Variants in FOCAD observed in about 807,000 individuals in gnomAD.
FOCAD encodes focadhesin, also known as KIAA1797.
Under a neutral mutation model 225.6 loss-of-function variants are expected in FOCAD, and 198 were observed. The observed-to-expected ratio is 0.88, with a 90% CI of 0.78 to 0.99. The LOEUF (loss-of-function observed/expected upper bound fraction) is 0.99, where lower values mean the gene tolerates loss of function less well. FOCAD is among the 50% of genes least tolerant of loss of function. FOCAD has a pLI of 0.00. For synonymous variants in FOCAD, 897 were observed against 755.0 expected, an observed-to-expected ratio of 1.19 and a Z score of -3.08; for missense variants, 2,713 against 2,123.6, an observed-to-expected ratio of 1.28 and a Z score of -5.46.
At chr9:20,753,777 C>T (rs1428517549) in intron 5 of FOCAD, among the ~76,000 whole-genome samples, 3 of 151,900 alleles carry the variant, frequency 2.0e-5, no homozygotes, top group Non-Finnish European at 4.4e-5. Context: ...TCTGTAGCCA[C>T]TGCATATATT....
intron 25 of FOCAD, 26 bp downstream of exon 25, chr9:20,923,794 G>A (rs768545827): frequency 2.6e-6 from 4 of 1,559,842 alleles, no homozygotes; most frequent in South Asian, 2.2e-5. Context: ...TTAAACAATT[G>A]GCTTTGATTA....
At chr9:20,962,417 C>CACATACACACATACAT (rs1554743603) in intron 35 of FOCAD, among the ~76,000 whole-genome samples, 1 of 149,086 alleles carries the variant, frequency 6.7e-6, no homozygotes, top group Non-Finnish European at 1.5e-5. Flanking sequence ...TATACACACA[C>CACATACACACATACAT]ACATACATAC....
chr9:20,888,892 G>A (rs1214587289), intron 21 of FOCAD, among the ~76,000 whole-genome samples: 1 of 152,172 alleles, frequency 6.6e-6, no homozygotes, highest in East Asian at 1.9e-4. Context: ...ATGTAGAACT[G>A]TAAGCTTATT....
chr9:20,782,009 T>C, intron 10 of FOCAD, 80 bp downstream of exon 10: 2 of 1,211,004 alleles, frequency 1.7e-6, no homozygotes, highest in Non-Finnish European at 1.2e-6. Flanking sequence ...TGCCTCCTGA[T>C]GAAGCATCTG....
At chr9:20,855,579 C>T (rs1334213165) in intron 15 of FOCAD, among the ~76,000 whole-genome samples, 1 of 151,634 alleles carries the variant, frequency 6.6e-6, no homozygotes, top group Non-Finnish European at 1.5e-5. Flanking sequence ...TCACCTCAAG[C>T]ATTATCATTT....
At chr9:20,802,496 A>G (rs1821956392) in intron 11 of FOCAD, among the ~76,000 whole-genome samples, 2 of 152,252 alleles carry the variant, frequency 1.3e-5, no homozygotes, top group African/African-American at 2.4e-5. Context: ...AAGGGAAACC[A>G]TGTCTTACTT....
At chr9:20,932,274 G>A (rs544938490) in intron 27 of FOCAD, among the ~76,000 whole-genome samples, 3 of 152,230 alleles carry the variant, frequency 2.0e-5, no homozygotes, top group African/African-American at 7.2e-5. Flanking sequence ...TTAAAAAAGT[G>A]CTCTCTGCCT....
chr9:20,968,393 G>T (rs1394892108), intron 35 of FOCAD, among the ~76,000 whole-genome samples: 6 of 111,910 alleles, frequency 5.4e-5, no homozygotes, highest in Admixed American at 4.3e-4. Flanking sequence ...TCTTTTCTAA[G>T]TTCCAATTTT....
rs568233667 is a variant in FOCAD at position 20,752,459 on chromosome 9, A to G, written c.393-5631A>G. 1.8e-4 allele frequency among the ~76,000 whole-genome samples: 27 copies of G among 152,290 alleles called. No homozygotes were observed. In the South Asian group the frequency reaches 5.2e-3, roughly 29 times the overall value. Reference sequence around the variant, plus strand: ...GTTTTTCTCAGGTTTGCCAAAGATCAGATAGTTGTAGATATGCGGCGTTAT... The same window carrying G: ...GTTTTTCTCAGGTTTGCCAAAGATCGGATAGTTGTAGATATGCGGCGTTAT... On this transcript the variant is annotated intron_variant, in intron 5 of 43. Coordinates refer to ENST00000338382, the MANE Select transcript of FOCAD (RefSeq NM_001375567.1).
At chr9:20,778,455 C>T (rs1373933735) in intron 8 of FOCAD, among the ~76,000 whole-genome samples, 2 of 152,130 alleles carry the variant, frequency 1.3e-5, no homozygotes, top group Non-Finnish European at 1.5e-5. Context: ...CTTCTGACCT[C>T]GTGATCCACC....
intron 5 of FOCAD, among the ~76,000 whole-genome samples, chr9:20,749,345 A>C (rs1232659756): frequency 2.6e-5 from 4 of 152,144 alleles, no homozygotes; most frequent in African/African-American, 9.6e-5. Flanking sequence ...AAGTCTTTCT[A>C]GGAGCTTATG....
chr9:20,948,820 C>T (rs1169183323), intron 31 of FOCAD, 31 bp from the exon 32 acceptor site: 1 of 1,610,034 alleles, frequency 6.2e-7, no homozygotes. Flanking sequence ...GACTGATTCC[C>T]TCTTTTCATA....
At chr9:20,972,882 C>T (rs1407700764) in intron 35 of FOCAD, among the ~76,000 whole-genome samples, 1 of 152,052 alleles carries the variant, frequency 6.6e-6, no homozygotes, top group Non-Finnish European at 1.5e-5. Context: ...CTTATGCTGA[C>T]TTTCCTTTAT....
intron 35 of FOCAD, among the ~76,000 whole-genome samples, chr9:20,959,007 A>T (rs1838457239): frequency 6.6e-6 from 1 of 152,162 alleles, no homozygotes; most frequent in African/African-American, 2.4e-5. Context: ...CATGGGGTAC[A>T]GATGTCTCTG....
chr9:20,711,792 G>C (rs1298165400), intron 1 of FOCAD, among the ~76,000 whole-genome samples: 2 of 152,222 alleles, frequency 1.3e-5, no homozygotes, highest in Non-Finnish European at 2.9e-5. Flanking sequence ...TTGGAGATCT[G>C]TGCCAGATGA....
chr9:20,943,639 G>C (rs145272010), intron 28 of FOCAD, among the ~76,000 whole-genome samples: 3 of 152,136 alleles, frequency 2.0e-5, no homozygotes, highest in African/African-American at 7.2e-5. Flanking sequence ...GACCAAGGGG[G>C]TAGATGCTGT....
At chr9:20,874,585 A>G in intron 18 of FOCAD, 96 bp from the exon 19 acceptor site, 1 of 1,394,778 alleles carries the variant, frequency 7.2e-7, no homozygotes, top group Non-Finnish European at 9.8e-7. Flanking sequence ...GAGTCTAACA[A>G]AATTTTAAAA....
intron 4 of FOCAD, among the ~76,000 whole-genome samples, chr9:20,727,056 A>T (rs559633413): frequency 1.6e-4 from 24 of 152,256 alleles, no homozygotes; most frequent in Middle Eastern, 3.4e-3. Flanking sequence ...ATTATGGCTT[A>T]TTTAACTTTT....
Position 20,770,053 on chromosome 9 carries a change from A to G in FOCAD, c.721A>G (p.Thr241Ala). The stretch of plus-strand genomic sequence containing the variant: ...ACAGGTAAAAGATTTGATACAGACA[A>G]CAGAGGCGATGATGTTTATTGAGGA... ...CLQVKDLIQT[T>A]EAMMFIEEVC... The change falls in exon 8 of 44, where the codon ACA becomes GCA. Residue 241 changes from threonine to alanine, a missense_variant. Transcript: ENST00000338382. The G allele has an allele frequency of 6.2e-7, 1 of 1,614,056 alleles. No individual in the cohort carries two copies. The highest frequency in any genetic ancestry group is 1.3e-5 in the African/African-American group (1 of 75,052).
Sources: allele counts gnomAD v4.1 joint callset (sites outside exome capture counted in the v4.1 genomes callset), GRCh38; gene constraint gnomAD v4.1.1; transcripts MANE v1.5; gene names NCBI Gene and HGNC (gene_info 2026-07-23, HGNC 2026-07-21).